Variants in RTL9 observed in about 807,000 individuals in gnomAD.
The protein encoded by RTL9 is retrotransposon Gag like 9, also known as retrotransposon Gag-like protein 9.
Under a neutral mutation model 44.7 loss-of-function variants are expected in RTL9, and 19 were observed. The observed-to-expected ratio is 0.42, with a 90% CI of 0.30 to 0.62. The LOEUF is 0.62. Among genes scored for constraint, RTL9 ranks in the 20% least tolerant of loss-of-function variants. The pLI, the probability that RTL9 is intolerant of heterozygous loss-of-function variation, is 0.16. For synonymous variants in RTL9, 407 were observed against 398.9 expected (o/e 1.02, Z -0.24); for missense variants, 1,105 against 1,080.6 (o/e 1.02, Z -0.32).
chrX:110,436,539 A>T (rs1183977667), intron 1 of RTL9, among the ~76,000 whole-genome samples: 1 of 112,069 alleles, frequency 8.9e-6, no homozygotes, highest in Non-Finnish European at 1.9e-5. Flanking sequence ...CCATAAGCCT[A>T]ACTAGGGATG....
Position 110,450,622 on chromosome X carries a change from C to G in RTL9, c.5C>G (p.Ser2Ter). Residue 2 changes from serine to a stop codon, truncating the protein, a stop_gained, in exon 1 of 2, where the codon TCA becomes TGA. Transcript: ENST00000540313. LOFTEE classifies it high-confidence loss of function. ...TATCCTGTGGCTGTGGCAGATATGT[C>G]AATACCCTTACATTCACTGCGATTC... is the stretch of plus-strand genomic sequence containing the variant. The G allele has an allele frequency of 8.3e-7, 1 of 1,208,624 alleles. No homozygotes were observed. The highest frequency in any genetic ancestry group is 2.4e-4 in the Middle Eastern group (1 of 4,220).
chrX:110,368,221 T>C (rs887087574), intron 1 of RTL9, among the ~76,000 whole-genome samples: 4 of 110,257 alleles, frequency 3.6e-5, no homozygotes, highest in African/African-American at 1.3e-4. Flanking sequence ...CTTGGATCAT[T>C]ACATAATCCA....
chrX:110,424,676 C>G (rs2068741578), intron 1 of RTL9, among the ~76,000 whole-genome samples: 1 of 111,765 alleles, frequency 8.9e-6, no homozygotes, highest in African/African-American at 3.3e-5. Flanking sequence ...TTAAATCTAC[C>G]TCAGGCAAAA....
At chrX:110,429,478 TG>T (rs201915443) in intron 1 of RTL9, among the ~76,000 whole-genome samples, 16,827 of 92,073 alleles carry the variant, frequency 0.18, 3,822 homozygotes, top group African/African-American at 0.65. Flanking sequence ...TTTTTTGTTT[TG>T]TTTTTTTGGT....
chrX:110,448,510 G>A (rs1166849398), upstream of RTL9, among the ~76,000 whole-genome samples: 2 of 109,173 alleles, frequency 1.8e-5, no homozygotes, highest in Admixed American at 9.9e-5. Flanking sequence ...TGTTGGGGGC[G>A]ACAGGGAAGA....
chrX:110,426,795 C>T (rs748374676), intron 1 of RTL9: 1 of 111,825 alleles, frequency 8.9e-6, no homozygotes, highest in South Asian at 3.8e-4. Flanking sequence ...AAGGTGAGGA[C>T]TCATGGTGCT....
chrX:110,410,154 T>C (rs970457032), intron 1 of RTL9, among the ~76,000 whole-genome samples: 1 of 111,367 alleles, frequency 9.0e-6, no homozygotes, highest in African/African-American at 3.3e-5. Flanking sequence ...TCGCCTCGGG[T>C]CACAGAGCAA....
exon 1 of RTL9, chrX:110,454,461 G>C (rs1042766248): frequency 8.3e-7 from 1 of 1,210,379 alleles, no homozygotes; most frequent in Non-Finnish European, 1.1e-6. Context: ...CTCAGAAGCT[G>C]TTACCACCAA....
At chrX:110,452,828 G>A (rs1365643930) in exon 1 of RTL9, 1 of 1,209,109 alleles carries the variant, frequency 8.3e-7, no homozygotes, top group Non-Finnish European at 1.1e-6. Flanking sequence ...CGCCCATGAA[G>A]TCCATGACCG....
intron 1 of RTL9, among the ~76,000 whole-genome samples, chrX:110,442,221 T>TTCTCTCTCTCTC (rs781098261): frequency 8.7e-4 from 63 of 72,773 alleles, no homozygotes; most frequent in African/African-American, 3.4e-3. Flanking sequence ...ATCGAAGTCT[T>TTCTCTCTCTCTC]TCTCTCTCTC....
At chrX:110,422,743 G>T (rs1373992573) in intron 1 of RTL9, among the ~76,000 whole-genome samples, 2 of 111,919 alleles carry the variant, frequency 1.8e-5, no homozygotes, top group African/African-American at 6.5e-5. Flanking sequence ...TTCCAAGAGG[G>T]TCTCTGATGG....
At position 110,393,068 on chromosome X, in the gene RTL9, A is replaced by G. The variant is rs2068505611; in HGVS notation, c.-168+34152A>G. ...TTAAGACCACATTTGCACAATTTGC[A>G]CATTGTCCCTCTTGGGCCTGCTTCC... On this transcript the variant is annotated intron_variant, in intron 1 of 2. Coordinates refer to the RTL9 transcript ENST00000520821. 7.2e-5 allele frequency among the ~76,000 whole-genome samples: 8 copies of G among 111,677 alleles called. 1 individual carries two copies. The highest frequency in any genetic ancestry group is 2.8e-4 in the Admixed American group (3 of 10,564).
At chrX:110,408,391 T>C (rs1318097840) in intron 1 of RTL9, among the ~76,000 whole-genome samples, 2 of 112,328 alleles carry the variant, frequency 1.8e-5, no homozygotes, top group Non-Finnish European at 3.8e-5. Flanking sequence ...GAAATGGGGA[T>C]GCTAGATGTT....
intron 1 of RTL9, among the ~76,000 whole-genome samples, chrX:110,382,211 A>T (rs749028867): frequency 9.0e-6 from 1 of 111,455 alleles, no homozygotes; most frequent in Non-Finnish European, 1.9e-5. Context: ...AACAGAGGAA[A>T]CAAACCACAC....
chrX:110,409,478 C>G (rs1881587134), intron 1 of RTL9, among the ~76,000 whole-genome samples: 1 of 111,583 alleles, frequency 9.0e-6, no homozygotes, highest in Non-Finnish European at 1.9e-5. Flanking sequence ...TTAGCTGTAC[C>G]TCTTTGCATT....
chrX:110,452,660 A>G (rs1018509873), exon 1 of RTL9: 3 of 1,211,337 alleles, frequency 2.5e-6, no homozygotes, highest in East Asian at 3.0e-5. Context: ...CAATGTCCAC[A>G]TCACAAATGA....
intron 1 of RTL9, among the ~76,000 whole-genome samples, chrX:110,395,698 A>C (rs182477734): frequency 1.9e-3 from 212 of 111,100 alleles, no homozygotes; most frequent in African/African-American, 6.4e-3. Context: ...GGGGAGAGAC[A>C]GGGGAGGGAG....
At chrX:110,451,612 A>T in exon 1 of RTL9, 1 of 1,211,483 alleles carries the variant, frequency 8.3e-7, no homozygotes, top group Non-Finnish European at 1.1e-6. Context: ...GATGCTGGAG[A>T]AATGTCCACA....
At chrX:110,401,081 C>T (rs879043518) in intron 1 of RTL9, among the ~76,000 whole-genome samples, 10 of 112,364 alleles carry the variant, frequency 8.9e-5, no homozygotes, top group African/African-American at 2.9e-4. Context: ...TTTTCATCCT[C>T]GTTTTACAGA....
Sources: gnomAD v4.1 joint callset for allele counts (sites outside exome capture counted in the v4.1 genomes callset) on GRCh38, gnomAD v4.1.1 for gene constraint, MANE v1.5 for transcripts, NCBI Gene and HGNC (gene_info 2026-07-23, HGNC 2026-07-21) for gene names.